Variants in SYNPO2 observed in about 807,000 individuals in gnomAD.
SYNPO2 encodes the protein synaptopodin 2, also known as synaptopodin-2.
Under a neutral mutation model 85.0 loss-of-function variants are expected in SYNPO2, and 56 were observed. The observed-to-expected ratio is 0.66, with a 90% CI of 0.53 to 0.82. SYNPO2 has a LOEUF of 0.82. Ranked by LOEUF, SYNPO2 falls within the 40% of genes least tolerant of loss-of-function variation. SYNPO2 has a pLI of 0.00. For missense variants in SYNPO2, 1,575 were observed against 1,534.2 expected, an observed-to-expected ratio of 1.03 and a Z score of -0.44; for synonymous variants, 602 against 591.1, an observed-to-expected ratio of 1.02 and a Z score of -0.27.
chr4:119,018,863 T>C (rs1737615220), intron 1 of SYNPO2, among the ~76,000 whole-genome samples: 1 of 152,166 alleles, frequency 6.6e-6, no homozygotes, highest in African/African-American at 2.4e-5. Context: ...AATACCCTAA[T>C]TACACTGGTT....
rs558437641 is a variant in SYNPO2, at chr4:119,048,541, G to C, written c.3253-8860G>C. On this transcript the variant is annotated intron_variant, in intron 4 of 4. Coordinates refer to ENST00000307142, the MANE Select transcript of SYNPO2 (RefSeq NM_133477.3). ...TTAGATGAGTGTAAGTCTAAGGGAA[G>C]GATTAAAGCAGGGGAGAAAGGTAAG... 8.5e-4 allele frequency among the ~76,000 whole-genome samples: 129 copies of C among 152,292 alleles called. 4 individuals are homozygous for C. The Middle Eastern group carries it at 0.01, about 12-fold the overall frequency.
chr4:119,003,694 A>G (rs556491741), intron 1 of SYNPO2, among the ~76,000 whole-genome samples: 78 of 152,116 alleles, frequency 5.1e-4, no homozygotes, highest in South Asian at 2.7e-3. Flanking sequence ...CCTTTTTAGT[A>G]TCTTTTATAG....
At chr4:118,890,926 CTGT>C (rs1560829276) in intron 1 of SYNPO2, among the ~76,000 whole-genome samples, 1 of 152,116 alleles carries the variant, frequency 6.6e-6, no homozygotes, top group East Asian at 1.9e-4. Context: ...TGGCTGAGTG[CTGT>C]TGTTCTCTGG....
rs373389205 is a variant in SYNPO2, at chr4:119,030,041, C to A, written c.1266C>A (p.Asp422Glu). Residue 422 changes from aspartate to glutamate, a missense_variant, in exon 4 of 5, where the codon GAC becomes GAA. By Grantham distance (45) the Asp-to-Glu change is conservative. This residue lies in a region of SYNPO2 where 1,508 missense variants were observed against 1,446.8 expected (regional missense o/e 1.04). Coordinates refer to ENST00000307142, the MANE Select transcript of SYNPO2 (RefSeq NM_133477.3). ...CTGGCGAGCTTGAGCGAGAGGCGGA[C>A]GAGGAGGAAGAAGGTGACAAGGAGG... is the stretch of plus-strand genomic sequence containing the variant. ...YGTGELEREADEEEEGDKEDT... is the reference protein window; with the variant it reads ...YGTGELEREAEEEEEGDKEDT... 6.2e-7 allele frequency: 1 copy of A among 1,613,798 alleles called. No individual in the cohort carries two copies. Among genetic ancestry groups the A allele is most frequent in the Non-Finnish European group, 8.5e-7 (1 of 1,179,946 alleles).
intron 1 of SYNPO2, among the ~76,000 whole-genome samples, chr4:118,875,685 G>C (rs1731892351): frequency 6.6e-6 from 1 of 152,132 alleles, no homozygotes; most frequent in African/African-American, 2.4e-5. Flanking sequence ...ATGATTAGAA[G>C]CGTTTTCCAA....
At chr4:118,860,559 T>G (rs1731591132) in intron 1 of SYNPO2, among the ~76,000 whole-genome samples, 1 of 70,302 alleles carries the variant, frequency 1.4e-5, no homozygotes, top group Admixed American at 1.7e-4. Flanking sequence ...TGCCTTTTTT[T>G]TTGTTTTTTT....
In SYNPO2 at chr4:119,007,233, T is replaced by TACATATATATGTATATAC. The variant is rs1560971895; in HGVS notation, c.106-16196_106-16195insCATATATATGTATATACA. Among the ~76,000 whole-genome samples the TACATATATATGTATATAC allele has an allele frequency of 1.8e-3, 75 of 42,084 alleles. 4 individuals carry two copies. Among genetic ancestry groups the TACATATATATGTATATAC allele is most frequent in the Middle Eastern group, 0.014 (1 of 74 alleles). The allele number at this position is 42,084 out of a possible 152,430, so 27.6% of individuals were successfully genotyped here. A position where few individuals can be genotyped will look rare whatever the true frequency, so the allele number is the denominator to read the frequency against. On this transcript the variant is annotated intron_variant, in intron 1 of 4. Coordinates refer to ENST00000307142, the MANE Select transcript of SYNPO2 (RefSeq NM_133477.3). ...GAACAAAGGTATATATATATATATA[T>TACATATATATGTATATAC]ATATATATATATGTATATACATATA... is the stretch of plus-strand genomic sequence containing the variant.
intron 4 of SYNPO2, chr4:119,035,294 A>G: frequency 1.0e-6 from 1 of 985,406 alleles, no homozygotes; most frequent in Non-Finnish European, 1.2e-6. Context: ...TTCTAGGAGG[A>G]AGGAAGGTTC....
intron 1 of SYNPO2, among the ~76,000 whole-genome samples, chr4:118,967,627 C>A (rs1050383622): frequency 6.6e-6 from 1 of 152,200 alleles, no homozygotes; most frequent in African/African-American, 2.4e-5. Context: ...CCATTTGCCT[C>A]ACTTGGGGAA....
intron 1 of SYNPO2, chr4:118,850,983 C>G (rs1731411187): frequency 5.0e-6 from 2 of 398,500 alleles, no homozygotes; most frequent in Non-Finnish European, 8.8e-6. Context: ...CTTTATATTT[C>G]AATCACCTGA....
intron 1 of SYNPO2, among the ~76,000 whole-genome samples, chr4:118,892,449 G>A (rs1732407304): frequency 6.6e-6 from 1 of 152,046 alleles, no homozygotes; most frequent in African/African-American, 2.4e-5. Context: ...TATCCAAACA[G>A]AAAACCCCAC....
chr4:118,877,547 C>A (rs1429735554), intron 1 of SYNPO2, among the ~76,000 whole-genome samples: 1 of 152,154 alleles, frequency 6.6e-6, no homozygotes, highest in Non-Finnish European at 1.5e-5. Flanking sequence ...GGGCAGAGGA[C>A]GTGAACAAGC....
intron 1 of SYNPO2, among the ~76,000 whole-genome samples, chr4:118,895,675 T>C (rs1307109395): frequency 6.6e-6 from 1 of 152,168 alleles, no homozygotes; most frequent in Non-Finnish European, 1.5e-5. Flanking sequence ...ATGGTTCAAA[T>C]CTAGCCACCT....
At chr4:118,898,651 TG>T (rs1231449954) in intron 1 of SYNPO2, among the ~76,000 whole-genome samples, 1 of 152,152 alleles carries the variant, frequency 6.6e-6, no homozygotes, top group African/African-American at 2.4e-5. Context: ...AGTTAGTAAA[TG>T]GCAAAACCAG....
At chr4:118,977,202 G>A (rs1735804224) in intron 1 of SYNPO2, among the ~76,000 whole-genome samples, 1 of 152,236 alleles carries the variant, frequency 6.6e-6, no homozygotes, top group African/African-American at 2.4e-5. Context: ...CCCGTGGGAA[G>A]GCAGCTAAGG....
chr4:118,887,424 G>A (rs1019978584), upstream of SYNPO2, among the ~76,000 whole-genome samples: 1 of 152,140 alleles, frequency 6.6e-6, no homozygotes, highest in Non-Finnish European at 1.5e-5. Flanking sequence ...ATTTCTCAGT[G>A]AGCCTGCTAT....
intron 1 of SYNPO2, among the ~76,000 whole-genome samples, chr4:118,940,007 G>C (rs1734248907): frequency 8.1e-6 from 1 of 122,936 alleles, no homozygotes; most frequent in South Asian, 2.6e-4. Flanking sequence ...TTTTTTTTGA[G>C]ATGGAGTCTT....
intron 1 of SYNPO2, among the ~76,000 whole-genome samples, chr4:118,979,757 T>A (rs1735939539): frequency 6.6e-6 from 1 of 152,218 alleles, no homozygotes; most frequent in African/African-American, 2.4e-5. Context: ...TAACCAGGAA[T>A]TATAGTCTGA....
chr4:118,933,309 T>A (rs1733991402), intron 1 of SYNPO2, among the ~76,000 whole-genome samples: 1 of 152,140 alleles, frequency 6.6e-6, no homozygotes, highest in African/African-American at 2.4e-5. Context: ...GAAATGAAAA[T>A]ATTTCTACAG....
Sources: gnomAD v4.1 joint callset for allele counts (sites outside exome capture counted in the v4.1 genomes callset) on GRCh38, gnomAD v4.1.1 for gene constraint, gnomAD v4.1.1 regional missense constraint, MANE v1.5 for transcripts, NCBI Gene and HGNC (gene_info 2026-07-23, HGNC 2026-07-21) for gene names.